Variants in TBC1D9 observed in about 807,000 individuals in gnomAD.
The protein encoded by TBC1D9 is TBC1 domain family member 9A.
TBC1D9 carries 63 observed loss-of-function variants against 132.0 expected under a neutral mutation model. The ratio of observed to expected loss-of-function variants is 0.48; its 90% CI spans 0.39 to 0.59. The LOEUF is 0.59. Among genes scored for constraint, TBC1D9 ranks in the 20% least tolerant of loss-of-function variants. The pLI, the probability that TBC1D9 is intolerant of heterozygous loss-of-function variation, is 0.00. For missense variants in TBC1D9, 1,261 were observed against 1,592.7 expected, an observed-to-expected ratio of 0.79 and a Z score of 3.54; for synonymous variants, 610 against 609.9, an observed-to-expected ratio of 1.00 and a Z score of 0.00.
chr4:140,722,591 T>C (rs181822092), intron 1 of TBC1D9, among the ~76,000 whole-genome samples: 7 of 152,302 alleles, frequency 4.6e-5, no homozygotes, highest in Admixed American at 3.9e-4. Flanking sequence ...GGGGAGAAGC[T>C]AGGCTGGCAA....
At chr4:140,653,956 T>TA (rs959032616) in intron 13 of TBC1D9, among the ~76,000 whole-genome samples, 3 of 152,224 alleles carry the variant, frequency 2.0e-5, no homozygotes, top group Non-Finnish European at 4.4e-5. Flanking sequence ...GCTTTCGCTT[T>TA]AAAAATGGGC....
intron 1 of TBC1D9, among the ~76,000 whole-genome samples, chr4:140,755,400 T>G (rs903382833): frequency 6.6e-6 from 1 of 152,172 alleles, no homozygotes; most frequent in African/African-American, 2.4e-5. Context: ...ACAAAAAAAT[T>G]CCTGTTTCCG....
intron 13 of TBC1D9, chr4:140,643,011 A>G: frequency 1.2e-6 from 1 of 809,520 alleles, no homozygotes; most frequent in Non-Finnish European, 2.0e-6. Context: ...CAGGACGTCC[A>G]TGTCCTCCAC....
chr4:140,687,387 T>C (rs1158580764), intron 2 of TBC1D9, among the ~76,000 whole-genome samples: 4 of 69,926 alleles, frequency 5.7e-5, no homozygotes, highest in African/African-American at 2.2e-4. Flanking sequence ...TATATATATA[T>C]ATATATATAA....
intron 13 of TBC1D9, among the ~76,000 whole-genome samples, chr4:140,640,301 GA>G (rs1389805948): frequency 6.6e-6 from 1 of 152,118 alleles, no homozygotes; most frequent in Non-Finnish European, 1.5e-5. Context: ...GGGAAAAAAA[GA>G]GGGAGGGTAT....
intron 13 of TBC1D9, among the ~76,000 whole-genome samples, chr4:140,645,954 T>G (rs892112226): frequency 1.4e-4 from 22 of 152,356 alleles, no homozygotes; most frequent in African/African-American, 4.6e-4. Context: ...GTCCCCACCC[T>G]TCACTGTGCC....
At chr4:140,669,548 A>G (rs1363802542) in intron 8 of TBC1D9, 86 bp downstream of exon 8, 3 of 1,349,130 alleles carry the variant, frequency 2.2e-6, no homozygotes, top group Non-Finnish European at 3.1e-6. Context: ...TTACATAGGC[A>G]TGTGTGAATT....
At chr4:140,743,817 C>T (rs989487859) in intron 1 of TBC1D9, among the ~76,000 whole-genome samples, 3 of 152,166 alleles carry the variant, frequency 2.0e-5, no homozygotes, top group Admixed American at 2.0e-4. Flanking sequence ...TAAAGTGGGT[C>T]CTCTCTGTGC....
intron 3 of TBC1D9, among the ~76,000 whole-genome samples, chr4:140,684,598 C>G (rs562455096): frequency 1.3e-5 from 2 of 151,894 alleles, no homozygotes; most frequent in African/African-American, 2.4e-5. Context: ...ACTTATTTCT[C>G]CTGGCTATTG....
chr4:140,724,725 A>G (rs1738473030), intron 1 of TBC1D9, among the ~76,000 whole-genome samples: 1 of 152,196 alleles, frequency 6.6e-6, no homozygotes, highest in African/African-American at 2.4e-5. Flanking sequence ...GTCAATAAGA[A>G]AAGGAGCAAC....
intron 13 of TBC1D9, chr4:140,645,270 C>G (rs1737086394): frequency 7.6e-6 from 4 of 525,156 alleles, no homozygotes; most frequent in Non-Finnish European, 1.5e-5. Context: ...TGGCTGTGCT[C>G]TTTCACATTA....
chr4:140,749,598 G>A (rs1015740410), intron 1 of TBC1D9, among the ~76,000 whole-genome samples: 1 of 152,106 alleles, frequency 6.6e-6, no homozygotes, highest in Non-Finnish European at 1.5e-5. Flanking sequence ...CAAGGTAGGG[G>A]AATTGGTTTA....
chr4:140,755,879 C>T (rs1222616843), intron 1 of TBC1D9, 37 bp downstream of exon 1: 1 of 1,502,610 alleles, frequency 6.7e-7, no homozygotes, highest in Non-Finnish European at 8.8e-7. Flanking sequence ...GCAGCGCTCC[C>T]GGCTCCCCTC....
At chr4:140,740,400 C>A (rs1414182039) in intron 1 of TBC1D9, among the ~76,000 whole-genome samples, 1 of 152,176 alleles carries the variant, frequency 6.6e-6, no homozygotes, top group Non-Finnish European at 1.5e-5. Context: ...TTTTCCACAC[C>A]AGTAATACCC....
intron 15 of TBC1D9, among the ~76,000 whole-genome samples, chr4:140,634,852 C>T (rs907211388): frequency 2.0e-5 from 3 of 152,098 alleles, no homozygotes; most frequent in Non-Finnish European, 4.4e-5. Context: ...AAATTATCAG[C>T]GTAGGAACCA....
rs1161125813 is a variant in TBC1D9, at chr4:140,714,264, C to T, written c.131-12650G>A. On this transcript the variant is annotated intron_variant, in intron 1 of 20. Transcript: ENST00000442267. ...GAGTGTTCAAGGCCTGAGGCAGTCTCAAGAGGTCCTGAGAACATGTACCCA... is the reference window on the plus strand; with the variant it reads ...GAGTGTTCAAGGCCTGAGGCAGTCTTAAGAGGTCCTGAGAACATGTACCCA... Among the ~76,000 whole-genome samples, 10 of 152,288 alleles carry T rather than the reference C, an allele frequency of 6.6e-5. No homozygotes were observed. The East Asian group carries it at 1.9e-3, about 29-fold the overall frequency.
At chr4:140,712,072 T>A (rs1373747877) in intron 1 of TBC1D9, 3 of 152,196 alleles carry the variant, frequency 2.0e-5, no homozygotes, top group Non-Finnish European at 2.9e-5. Context: ...TTACCATGGT[T>A]ATACTAACGC....
chr4:140,679,268 T>C, intron 4 of TBC1D9, 65 bp from the exon 5 acceptor site: 2 of 1,530,128 alleles, frequency 1.3e-6, no homozygotes, highest in East Asian at 4.5e-5. Context: ...GATATTGCAG[T>C]CTCACAACCC....
At chr4:140,731,812 G>A (rs1347943537) in intron 1 of TBC1D9, among the ~76,000 whole-genome samples, 10 of 151,962 alleles carry the variant, frequency 6.6e-5, no homozygotes, top group Non-Finnish European at 2.9e-5. Flanking sequence ...ACACGCTGGT[G>A]GAATTTGGTC....
Sources: gnomAD v4.1 joint callset for allele counts (sites outside exome capture counted in the v4.1 genomes callset) on GRCh38, gnomAD v4.1.1 for gene constraint, MANE v1.5 for transcripts, NCBI Gene and HGNC (gene_info 2026-07-23, HGNC 2026-07-21) for gene names.